Variants in CTNNA3 observed in about 807,000 individuals in gnomAD.
CTNNA3 encodes catenin alpha-3.
A neutral mutation model predicts 95.7 loss-of-function variants in CTNNA3; 76 were observed. The observed-to-expected ratio is 0.79, with a 90% confidence interval of 0.66 to 0.96. The LOEUF is 0.96. Ranked by LOEUF, CTNNA3 falls within the 40% of genes least tolerant of loss-of-function variation. The probability of loss-of-function intolerance (pLI) is 0.00; values close to 1 mark genes in which losing one functional copy is unlikely to be tolerated. For missense variants in CTNNA3, 1,191 were observed against 1,089.8 expected, an observed-to-expected ratio of 1.09 and a Z score of -1.31; for synonymous variants, 431 against 374.4, an observed-to-expected ratio of 1.15 and a Z score of -1.74.
chr10:66,679,454 G>A (rs1443912992), intron 9 of CTNNA3, among the ~76,000 whole-genome samples: 2 of 152,164 alleles, frequency 1.3e-5, no homozygotes, highest in Non-Finnish European at 2.9e-5. Context: ...ATATGGAGAA[G>A]TCTGTTGGGA....
chr10:67,234,494 G>A (rs1282524690), intron 5 of CTNNA3, among the ~76,000 whole-genome samples: 2 of 152,106 alleles, frequency 1.3e-5, no homozygotes, highest in Non-Finnish European at 2.9e-5. Context: ...AATAAATTAG[G>A]TATTGATGGG....
At chr10:66,601,931 TCTTCTTGAAAAGA>T (rs1843941648) in intron 10 of CTNNA3, among the ~76,000 whole-genome samples, 1 of 151,778 alleles carries the variant, frequency 6.6e-6, no homozygotes, top group African/African-American at 2.4e-5. Context: ...TAGAATACTC[TCTTCTTGAAAAGA>T]AATACAGAAA....
chr10:66,702,738 T>TAGCAGTAGC (rs1329779423), intron 9 of CTNNA3, among the ~76,000 whole-genome samples: 1 of 109,876 alleles, frequency 9.1e-6, no homozygotes, highest in African/African-American at 3.0e-5. Flanking sequence ...GAATAAGTAG[T>TAGCAGTAGC]AGTAGTAGTA....
At chr10:66,439,075 CAG>C (rs1564963700) in intron 11 of CTNNA3, among the ~76,000 whole-genome samples, 1 of 152,080 alleles carries the variant, frequency 6.6e-6, no homozygotes, top group African/African-American at 2.4e-5. Context: ...GTTGGAAATG[CAG>C]AAATCACCCA....
chr10:66,952,188 C>T (rs975993565), intron 7 of CTNNA3, among the ~76,000 whole-genome samples: 6 of 152,188 alleles, frequency 3.9e-5, no homozygotes, highest in Admixed American at 1.3e-4. Context: ...CACACAGCCA[C>T]ACAGTGGCAA....
intron 1 of CTNNA3, among the ~76,000 whole-genome samples, chr10:67,723,190 T>C (rs1053165275): frequency 4.6e-5 from 7 of 152,096 alleles, no homozygotes; most frequent in African/African-American, 1.7e-4. Context: ...TTTTGCCATA[T>C]TGGCCAGGCT....
chr10:66,058,149 G>T (rs142046935), intron 15 of CTNNA3, among the ~76,000 whole-genome samples: 47 of 152,216 alleles, frequency 3.1e-4, no homozygotes, highest in African/African-American at 1.1e-3. Flanking sequence ...TGTGCAAAGA[G>T]ATTTCTTATT....
chr10:66,942,613 T>G (rs1848063363), intron 7 of CTNNA3, among the ~76,000 whole-genome samples: 1 of 151,972 alleles, frequency 6.6e-6, no homozygotes. Flanking sequence ...TCTGCGTGTG[T>G]GTGCATGTGT....
chr10:66,951,818 T>C (rs1848552993), intron 7 of CTNNA3, among the ~76,000 whole-genome samples: 1 of 152,180 alleles, frequency 6.6e-6, no homozygotes, highest in Non-Finnish European at 1.5e-5. Context: ...AGGTAGGGGA[T>C]GCATACAGAG....
chr10:66,593,021 T>A (rs1318560428), intron 10 of CTNNA3, among the ~76,000 whole-genome samples: 1 of 152,136 alleles, frequency 6.6e-6, no homozygotes, highest in Non-Finnish European at 1.5e-5. Flanking sequence ...TTCAGAATCA[T>A]GCCACTAAGA....
chr10:66,094,233 G>C (rs1009118565), intron 14 of CTNNA3, among the ~76,000 whole-genome samples: 1 of 152,016 alleles, frequency 6.6e-6, no homozygotes, highest in African/African-American at 2.4e-5. Flanking sequence ...CCTGATGGTT[G>C]TAAGACCTGA....
At chr10:66,356,547 T>G (rs1329608528) in intron 12 of CTNNA3, among the ~76,000 whole-genome samples, 1 of 152,030 alleles carries the variant, frequency 6.6e-6, no homozygotes, top group East Asian at 1.9e-4. Flanking sequence ...CACAATCATG[T>G]CATCTGCACA....
chr10:67,208,907 T>C (rs1292229811), intron 6 of CTNNA3, among the ~76,000 whole-genome samples: 2 of 152,168 alleles, frequency 1.3e-5, no homozygotes, highest in Non-Finnish European at 2.9e-5. Context: ...TCAATATTAA[T>C]ACCAGACAAA....
intron 1 of CTNNA3, among the ~76,000 whole-genome samples, chr10:67,736,665 C>T (rs1841304662): frequency 6.6e-6 from 1 of 151,926 alleles, no homozygotes; most frequent in Non-Finnish European, 1.5e-5. Context: ...CCGTGTTAGG[C>T]AGGATGGTCT....
intron 7 of CTNNA3, among the ~76,000 whole-genome samples, chr10:67,163,942 C>G (rs184011926): frequency 6.6e-6 from 1 of 151,882 alleles, no homozygotes; most frequent in African/African-American, 2.4e-5. Context: ...GACTTCTATA[C>G]TGAAAACTGC....
At position 66,599,678 on chromosome 10, in the gene CTNNA3, A is replaced by C. The variant is rs181418410; in HGVS notation, c.1374+22014T>G. ...TGAGTGACCTCAAAGTGTCTTAGGA[A>C]ATGAGTTCCAGTGTTTGCTTTAAGT... is the stretch of plus-strand genomic sequence containing the variant. On this transcript the variant is annotated intron_variant, in intron 10 of 17. Transcript: ENST00000433211. Among the ~76,000 whole-genome samples the C allele has an allele frequency of 2.0e-5, 3 of 151,954 alleles. No homozygotes were observed. In the East Asian group the frequency reaches 5.8e-4, roughly 29 times the overall value.
At chr10:66,090,754 T>C (rs908761392) in intron 14 of CTNNA3, among the ~76,000 whole-genome samples, 10 of 152,054 alleles carry the variant, frequency 6.6e-5, no homozygotes, top group Admixed American at 5.3e-4. Context: ...GAAATGCTTC[T>C]ATTATATGTC....
At chr10:66,421,333 T>G (rs971933088) in intron 11 of CTNNA3, among the ~76,000 whole-genome samples, 3 of 152,100 alleles carry the variant, frequency 2.0e-5, no homozygotes, top group Admixed American at 1.3e-4. Context: ...AGGCATAAAT[T>G]TTATATTTTG....
At chr10:66,035,772 A>G (rs1589275399) in intron 15 of CTNNA3, among the ~76,000 whole-genome samples, 1 of 152,258 alleles carries the variant, frequency 6.6e-6, no homozygotes, top group African/African-American at 2.4e-5. Flanking sequence ...CCTGGCTTAT[A>G]GTGAGAAGTC....
Sources: allele counts gnomAD v4.1 joint callset (sites outside exome capture counted in the v4.1 genomes callset), GRCh38; gene constraint gnomAD v4.1.1; transcripts MANE v1.5; gene names NCBI Gene and HGNC (gene_info 2026-07-23, HGNC 2026-07-21).